SLC71A2: variants seen among roughly 807,000 people sequenced by gnomAD.
SLC71A2 encodes the protein solute carrier family 71 member 2, also known as hippocampus abundant transcript-like 1.
the SLC71A2 span, among the ~76,000 whole-genome samples, chr9:94,388,796 T>C: frequency 6.6e-6 from 1 of 152,108 alleles, no homozygotes; most frequent in Non-Finnish European, 1.5e-5. Context: ...TTATACGTTT[T>C]CTACTAAACA....
chr9:94,446,352 G>A, the SLC71A2 span, among the ~76,000 whole-genome samples: 2 of 152,318 alleles, frequency 1.3e-5, no homozygotes, highest in South Asian at 2.1e-4. Context: ...TGGCTGGAGC[G>A]TACTTATTTG....
the SLC71A2 span, chr9:94,440,931 G>C: frequency 9.2e-7 from 1 of 1,092,480 alleles, no homozygotes; most frequent in Non-Finnish European, 1.4e-6. Context: ...CTCAGGTAAT[G>C]AAAGTGAACA....
chr9:94,458,920 C>T, the SLC71A2 span, among the ~76,000 whole-genome samples: 2 of 152,326 alleles, frequency 1.3e-5, no homozygotes, highest in Non-Finnish European at 2.9e-5. Context: ...CTGTTGCTTA[C>T]AAGCTTACAG....
chr9:94,449,998 T>G, the SLC71A2 span, among the ~76,000 whole-genome samples: 1 of 152,222 alleles, frequency 6.6e-6, no homozygotes, highest in African/African-American at 2.4e-5. Context: ...TTATGTGAAA[T>G]GCCCAGAATA....
At chr9:94,399,254 A>G in the SLC71A2 span, among the ~76,000 whole-genome samples, 1,213 of 152,092 alleles carry the variant, frequency 8.0e-3, 18 homozygotes, top group African/African-American at 0.028. Context: ...CCTCTTACAT[A>G]TTTCCCACTC....
At chr9:94,385,788 A>G in the SLC71A2 span, among the ~76,000 whole-genome samples, 1 of 151,556 alleles carries the variant, frequency 6.6e-6, no homozygotes, top group Non-Finnish European at 1.5e-5. Context: ...TGTGTTTTCC[A>G]ATTTTGTAAT....
the SLC71A2 span, among the ~76,000 whole-genome samples, chr9:94,453,174 G>T: frequency 2.1e-5 from 3 of 144,280 alleles, no homozygotes; most frequent in Admixed American, 7.2e-5. Flanking sequence ...TTTTGACACG[G>T]AGTCTCGCTC....
At chr9:94,378,823 G>A in the SLC71A2 span, among the ~76,000 whole-genome samples, 2 of 151,402 alleles carry the variant, frequency 1.3e-5, no homozygotes, top group Non-Finnish European at 2.9e-5. Context: ...AAACAAATTG[G>A]ATAGTTTGGT....
At chr9:94,415,476 T>G in the SLC71A2 span, among the ~76,000 whole-genome samples, 1 of 152,104 alleles carries the variant, frequency 6.6e-6, no homozygotes, top group African/African-American at 2.4e-5. Context: ...CTTATTGAAG[T>G]AAACTTGGGG....
chr9:94,456,247 T>TG, the SLC71A2 span: 2 of 1,613,280 alleles, frequency 1.2e-6, no homozygotes, highest in Non-Finnish European at 1.7e-6. Context: ...CAGGATGATG[T>TG]GGGCAGCAGG....
the SLC71A2 span, among the ~76,000 whole-genome samples, chr9:94,383,517 C>G: frequency 6.6e-6 from 1 of 152,002 alleles, no homozygotes; most frequent in Non-Finnish European, 1.5e-5. Context: ...TCTCTGAACT[C>G]TTTATTCTGT....
At chr9:94,441,193 G>T in the SLC71A2 span, 1 of 583,098 alleles carries the variant, frequency 1.7e-6, no homozygotes, top group Non-Finnish European at 2.9e-6. Context: ...GTCCTTTCTT[G>T]CACTGCTGTA....
chr9:94,450,363 A>C, the SLC71A2 span, among the ~76,000 whole-genome samples: 1 of 152,090 alleles, frequency 6.6e-6, no homozygotes, highest in South Asian at 2.1e-4. Context: ...TAGCCCTAGG[A>C]CTTTTCATTA....
At chr9:94,452,874 C>G in the SLC71A2 span, among the ~76,000 whole-genome samples, 1 of 151,436 alleles carries the variant, frequency 6.6e-6, no homozygotes, top group Admixed American at 6.6e-5. Flanking sequence ...ACTGTTGTGC[C>G]AAGGCACACT....
chr9:94,415,972 G>C, the SLC71A2 span, among the ~76,000 whole-genome samples: 49 of 152,168 alleles, frequency 3.2e-4, no homozygotes, highest in Non-Finnish European at 4.4e-5. Flanking sequence ...TTGTAACAAT[G>C]AGTAATAATT....
the SLC71A2 span, chr9:94,459,248 A>G: frequency 6.2e-7 from 1 of 1,614,166 alleles, no homozygotes; most frequent in Non-Finnish European, 8.5e-7. Flanking sequence ...TCCTGAATAC[A>G]GTAAAGCCAG....
At chr9:94,383,441 G>A in the SLC71A2 span, among the ~76,000 whole-genome samples, 1 of 152,182 alleles carries the variant, frequency 6.6e-6, no homozygotes. Context: ...GATTATGGGT[G>A]TGAGCCACCA....
chr9:94,454,966 A>G, the SLC71A2 span, among the ~76,000 whole-genome samples: 1 of 152,096 alleles, frequency 6.6e-6, no homozygotes, highest in Admixed American at 6.6e-5. Context: ...AGGTTTCTCC[A>G]TGTGCCTGGT....
the SLC71A2 span, chr9:94,459,259 T>C: frequency 1.2e-6 from 2 of 1,614,042 alleles, no homozygotes; most frequent in Non-Finnish European, 1.7e-6. Context: ...GTAAAGCCAG[T>C]GGAGTTCAAA....
Sources: allele counts gnomAD v4.1 joint callset (sites outside exome capture counted in the v4.1 genomes callset), GRCh38; gene constraint gnomAD v4.1.1; transcripts MANE v1.5; gene names NCBI Gene and HGNC (gene_info 2026-07-23, HGNC 2026-07-21).